Variants in POLR1A observed in about 807,000 individuals in gnomAD.
The protein encoded by POLR1A is DNA-directed RNA polymerase I subunit RPA1.
POLR1A carries 84 observed loss-of-function variants against 205.3 expected under a neutral mutation model. The ratio of observed to expected loss-of-function variants is 0.41; its 90% CI spans 0.34 to 0.49. The LOEUF (loss-of-function observed/expected upper bound fraction) is 0.49, where lower values mean the gene tolerates loss of function less well. POLR1A is among the 20% of genes least tolerant of loss of function. The pLI is 0.22. For synonymous variants in POLR1A, 799 were observed against 863.7 expected (o/e 0.93, Z 1.31); for missense variants, 1,645 against 2,204.5 (o/e 0.75, Z 5.08).
chr2:86,097,214 C>CAAAAAAAAAAAAAAAAAAAAAAAAAAAAA lies in POLR1A; in HGVS notation c.432+1396_432+1397insTTTTTTTTTTTTTTTTTTTTTTTTTTTTT, dbSNP rs757210116. ...CATTAGGATGGCTATCCCCAAAAGA[C>CAAAAAAAAAAAAAAAAAAAAAAAAAAAAA]AAAAAAAAAAAAAAAAAAAAAAAAA... On this transcript the variant is annotated intron_variant, in intron 3 of 33. Coordinates refer to ENST00000263857, the MANE Select transcript of POLR1A (RefSeq NM_015425.6). 5.3e-4 allele frequency among the ~76,000 whole-genome samples: 21 copies of CAAAAAAAAAAAAAAAAAAAAAAAAAAAAA among 39,692 alleles called. 6 individuals carry two copies. Among genetic ancestry groups the CAAAAAAAAAAAAAAAAAAAAAAAAAAAAA allele is most frequent in the African/African-American group, 1.9e-3 (19 of 10,110 alleles). 26.0% of individuals were successfully genotyped at this position (39,692 alleles called of 152,430 possible).
rs1672360777 is a variant in POLR1A, at chr2:86,030,266, T to C, written c.4709A>G (p.Asn1570Ser). The change falls in exon 31 of 34, where the codon AAT becomes AGT. Residue 1570 changes from asparagine (N) to serine (S), a missense_variant. Transcript: ENST00000263857. ...TAGCACAAGCTCCTTCTCGTTCTTA[T>C]TGTTGGTTGTTTCATTCAGGAGGCA... ...TRCLLNETTNNKNEKELVLNT... is the reference protein window; with the variant it reads ...TRCLLNETTNSKNEKELVLNT... 2 of 1,614,194 alleles carry C rather than the reference T, an allele frequency of 1.2e-6. No individual in the cohort carries two copies. The highest frequency in any genetic ancestry group is 1.7e-6 in the Non-Finnish European group (2 of 1,180,008).
rs763017681 is a variant in POLR1A, at chr2:86,100,111, C to A, written c.139G>T (p.Ala47Ser). Residue 47 changes from alanine (A) to serine (S), a missense_variant, in exon 2 of 34, where the codon GCA (alanine) becomes TCA (serine). By Grantham distance (99) the Ala-to-Ser change is moderately conservative (BLOSUM62 1). Transcript: ENST00000263857. ...RYLDSLGNPS[A>S]NGLYDLALGP... ...AAAGCTAAATCGTACAGGCCGTTTG[C>A]CGATGGGTTCCCCAGGCTGTCCAGG... The A allele has an allele frequency of 3.1e-6, 5 of 1,614,152 alleles. No individual in the cohort carries two copies. The highest frequency in any genetic ancestry group is 1.7e-5 in the Admixed American group (1 of 60,018).
In POLR1A at chr2:86,065,339, C is replaced by T. The variant is rs998100816; in HGVS notation, c.1993G>A (p.Val665Met). 3.1e-6 allele frequency: 5 copies of T among 1,614,052 alleles called. No individual in the cohort carries two copies. The South Asian group carries it at 5.5e-5, about 18-fold the overall frequency. ...ELVYRGLTDK[V>M]GRVKLLSPSI... ...GGAGAAAGGAGCTTCACGCGCCCCA[C>T]TTTGTCCGTGAGTCCTCGGTACACC... The change falls in exon 14 of 34, where the codon GTG becomes ATG. Residue 665 changes from valine to methionine, a missense_variant. Val to Met is a conservative substitution (Grantham distance 21, BLOSUM62 1). This residue lies in a region of POLR1A where 339 missense variants were observed against 415.1 expected (regional missense o/e 0.82). Coordinates refer to ENST00000263857, the MANE Select transcript of POLR1A (RefSeq NM_015425.6).
rs754651797 is a variant in POLR1A at position 86,033,800 on chromosome 2, G to A, written c.4035-13C>T. The A allele has an allele frequency of 1.2e-6, 2 of 1,613,482 alleles. No homozygotes were observed. Among genetic ancestry groups the A allele is most frequent in the East Asian group, 2.2e-5 (1 of 44,878 alleles). ...AAGTTTAAAGAATCTAAAACAAGAA[G>A]AAAGCCAAAAAGCCCTGTGCAGTAC... On this transcript the variant is annotated splice_polypyrimidine_tract_variant and intron_variant, in intron 27 of 33. Coordinates refer to ENST00000263857, the MANE Select transcript of POLR1A (RefSeq NM_015425.6).
intron 1 of POLR1A, among the ~76,000 whole-genome samples, chr2:86,101,836 T>TACCA (rs1673827636): frequency 6.6e-6 from 1 of 152,202 alleles, no homozygotes; most frequent in Non-Finnish European, 1.5e-5. Flanking sequence ...ACTTTCTGTT[T>TACCA]TGATTAATCT....
Position 86,027,326 on chromosome 2 carries a change from T to G in POLR1A, c.*97A>C. 2.0e-6 allele frequency: 2 copies of G among 991,422 alleles called. No individual in the cohort carries two copies. The highest frequency in any genetic ancestry group is 3.2e-6 in the Non-Finnish European group (2 of 616,140). The allele number at this position is 991,422 out of a possible 1,614,324, so 61.4% of individuals were successfully genotyped here. A position where few individuals can be genotyped will look rare whatever the true frequency, so the allele number is the denominator to read the frequency against. On this transcript the variant is annotated 3_prime_UTR_variant, in exon 34 of 34. Transcript: ENST00000263857. ...TCTGTACTGTCACTTGGAACTGCCC[T>G]GGATTCCAGTCTCCTGGTCCTCTCA...
intron 13 of POLR1A, among the ~76,000 whole-genome samples, chr2:86,067,846 T>C (rs2104410699): frequency 6.6e-6 from 1 of 152,294 alleles, no homozygotes; most frequent in African/African-American, 2.4e-5. Flanking sequence ...AAATAAAATT[T>C]ATCAAGAATC....
intron 31 of POLR1A, among the ~76,000 whole-genome samples, chr2:86,029,053 A>G (rs746315334): frequency 6.6e-6 from 1 of 152,220 alleles, no homozygotes; most frequent in East Asian, 1.9e-4. Flanking sequence ...GGAAGCAAGG[A>G]AAGTTCCCCT....
chr2:86,055,278 G>C (rs1672876462), intron 14 of POLR1A, among the ~76,000 whole-genome samples: 1 of 148,802 alleles, frequency 6.7e-6, no homozygotes, highest in South Asian at 2.1e-4. Flanking sequence ...CTGGGTGAGA[G>C]AGTGGAACTC....
At chr2:86,037,502 GCC>G (rs1025560134) in intron 27 of POLR1A, among the ~76,000 whole-genome samples, 7 of 152,286 alleles carry the variant, frequency 4.6e-5, no homozygotes, top group Non-Finnish European at 1.0e-4. Flanking sequence ...GCCCACGCCT[GCC>G]CCCGTGACTC....
chr2:86,101,060 A>C (rs725046), intron 1 of POLR1A, among the ~76,000 whole-genome samples: 107,212 of 152,094 alleles, frequency 0.7, 40,975 homozygotes, highest in Non-Finnish European at 0.85. Flanking sequence ...CAGAAATAGT[A>C]AATTTGACAA....
chr2:86,066,449 G>C (rs1673085749), intron 13 of POLR1A, among the ~76,000 whole-genome samples: 1 of 152,212 alleles, frequency 6.6e-6, no homozygotes, highest in African/African-American at 2.4e-5. Context: ...TGTCGGGTCT[G>C]TGTTCACGGC....
intron 1 of POLR1A, among the ~76,000 whole-genome samples, chr2:86,105,208 G>A (rs1673903079): frequency 6.6e-6 from 1 of 152,206 alleles, no homozygotes; most frequent in Non-Finnish European, 1.5e-5. Context: ...ATTGGAGAAT[G>A]TCAAATGCTA....
chr2:86,093,233 T>C (rs1286178019), intron 3 of POLR1A, among the ~76,000 whole-genome samples: 1 of 152,236 alleles, frequency 6.6e-6, no homozygotes, highest in Non-Finnish European at 1.5e-5. Flanking sequence ...CCATACTTAA[T>C]AGTGAAATGT....
At chr2:86,090,807 G>A (rs920473077) in intron 3 of POLR1A, among the ~76,000 whole-genome samples, 1 of 152,176 alleles carries the variant, frequency 6.6e-6, no homozygotes, top group Non-Finnish European at 1.5e-5. Flanking sequence ...CCTAAGCTGG[G>A]CACAGTGGTG....
intron 13 of POLR1A, among the ~76,000 whole-genome samples, chr2:86,069,273 T>C (rs545695201): frequency 4.6e-5 from 7 of 152,360 alleles, no homozygotes; most frequent in Non-Finnish European, 1.5e-5. Flanking sequence ...AAATGGCTTA[T>C]AATTTAGGAG....
chr2:86,104,116 A>C (rs765653039), intron 1 of POLR1A, among the ~76,000 whole-genome samples: 3 of 152,236 alleles, frequency 2.0e-5, no homozygotes, highest in Non-Finnish European at 2.9e-5. Flanking sequence ...GAGGGTTTTA[A>C]GGGTGACAGT....
chr2:86,027,662 G>GC (rs1373879806), intron 33 of POLR1A, 139 bp from the exon 34 acceptor site: 1 of 848,480 alleles, frequency 1.2e-6, no homozygotes, highest in South Asian at 1.5e-5. Flanking sequence ...TCACGAGGCA[G>GC]CCCCCCTCTA....
In POLR1A at chr2:86,021,127, T is replaced by C. The variant is rs992915037; in HGVS notation, c.*6296A>G. 2.0e-5 allele frequency: 3 copies of C among 152,184 alleles called. No homozygotes were observed. The highest frequency in any genetic ancestry group is 1.9e-4 in the East Asian group (1 of 5,198). The allele number at this position is 152,184 out of a possible 1,614,324, so 9.4% of individuals were successfully genotyped here. ...GGTTCATGTTTCCAAGCAAGAATCA[T>C]GGGTTGGGGAAGGCAAGTGTTTACT... On this transcript the variant is annotated 3_prime_UTR_variant, in exon 34 of 34. Transcript: ENST00000263857.
Sources: gnomAD v4.1 joint callset for allele counts (sites outside exome capture counted in the v4.1 genomes callset) on GRCh38, gnomAD v4.1.1 for gene constraint, gnomAD v4.1.1 regional missense constraint, MANE v1.5 for transcripts, NCBI Gene and HGNC (gene_info 2026-07-23, HGNC 2026-07-21) for gene names.